WHRN: variants seen among roughly 807,000 people sequenced by gnomAD.
The protein encoded by WHRN is whirlin, also known as CASK-interacting protein CIP98.
In WHRN, 41 loss-of-function variants were observed where a neutral mutation model predicts 68.3. The observed-to-expected ratio is 0.60, with a 90% CI of 0.47 to 0.78. The LOEUF is 0.78. Among genes scored for constraint, WHRN ranks in the 30% least tolerant of loss-of-function variants. The pLI is 0.00. For synonymous variants in WHRN, 560 were observed against 561.3 expected, an observed-to-expected ratio of 1.00 and a Z score of 0.03; for missense variants, 1,243 against 1,244.7, an observed-to-expected ratio of 1.00 and a Z score of 0.02.
rs113705660 is a variant in WHRN at position 114,423,920 on chromosome 9, C to T, written c.1417-397G>A. ...GGATTTCACCACCTCTTCCTTTGTA[C>T]AGTTTCTGGACCTCAAACAGTTTGG... On this transcript the variant is annotated intron_variant, in intron 6 of 11. Coordinates refer to ENST00000362057, the MANE Select transcript of WHRN (RefSeq NM_015404.4). Among the ~76,000 whole-genome samples, 1,509 of 152,300 alleles carry T rather than the reference C, an allele frequency of 9.9e-3. 9 individuals carry two copies. Among genetic ancestry groups the T allele is most frequent in the Non-Finnish European group, 0.017 (1,127 of 68,026 alleles).
intron 6 of WHRN, 148 bp downstream of exon 6, chr9:114,424,186 G>A: frequency 1.1e-6 from 1 of 906,998 alleles, no homozygotes. Context: ...AGCATCCTGG[G>A]GGCAGGAGGC....
chr9:114,449,971 C>T (rs1839177321), intron 3 of WHRN, among the ~76,000 whole-genome samples: 1 of 152,106 alleles, frequency 6.6e-6, no homozygotes, highest in Admixed American at 6.5e-5. Flanking sequence ...CTGGAATCTA[C>T]AGGAGCTTGG....
chr9:114,487,447 C>T (rs923520305), intron 1 of WHRN, among the ~76,000 whole-genome samples: 9 of 152,098 alleles, frequency 5.9e-5, no homozygotes, highest in African/African-American at 2.2e-4. Context: ...TTTTGAAGAT[C>T]TTTTCTTACC....
intron 7 of WHRN, among the ~76,000 whole-genome samples, chr9:114,415,273 TA>T (rs5900085): frequency 9.0e-4 from 131 of 145,232 alleles, no homozygotes; most frequent in Admixed American, 1.6e-3. Context: ...CCCTATCTCT[TA>T]AAAAAAAAAA....
At chr9:114,456,002 A>G (rs1839757253) in intron 3 of WHRN, among the ~76,000 whole-genome samples, 1 of 152,148 alleles carries the variant, frequency 6.6e-6, no homozygotes, top group Non-Finnish European at 1.5e-5. Flanking sequence ...ATTGAATACT[A>G]TATTAAAAGT....
In WHRN at chr9:114,424,494, C is replaced by A. The variant is rs764019960; in HGVS notation, c.1256G>T (p.Gly419Val). 1 of 1,614,022 alleles carries A rather than the reference C, an allele frequency of 6.2e-7. No individual in the cohort carries two copies. Among genetic ancestry groups the A allele is most frequent in the South Asian group, 1.1e-5 (1 of 91,074 alleles). Residue 419 changes from glycine (G) to valine (V), a missense_variant, in exon 6 of 12, where the codon GGG becomes GTG. Coordinates refer to ENST00000362057, the MANE Select transcript of WHRN (RefSeq NM_015404.4). ...AGSQVTLSSL[G>V]NQTRVLLEEQ... ...CTCCAGCAGCACTCGTGTCTGGTTC[C>A]CCAGGCTGCTCAGGGTCACCTGGGA...
intron 7 of WHRN, among the ~76,000 whole-genome samples, chr9:114,413,129 G>T (rs544104411): frequency 5.9e-5 from 9 of 152,242 alleles, no homozygotes; most frequent in South Asian, 2.1e-4. Context: ...AGTCACAAAG[G>T]CCTCTGGATA....
At chr9:114,461,284 C>A (rs745681888) in intron 3 of WHRN, among the ~76,000 whole-genome samples, 1 of 152,150 alleles carries the variant, frequency 6.6e-6, no homozygotes, top group Non-Finnish European at 1.5e-5. Context: ...GAAAATCATC[C>A]CTCATCTTAC....
rs59693553 is a variant in WHRN, at chr9:114,458,555, CG to C, written c.963+7711del. Among the ~76,000 whole-genome samples, 1,514 of 152,274 alleles carry C rather than the reference CG, an allele frequency of 9.9e-3. 22 individuals carry two copies. Among genetic ancestry groups the C allele is most frequent in the African/African-American group, 0.033 (1,375 of 41,542 alleles). ...TTGTGTTTTCATTTTCCTTGAGCAG[CG>C]GGGCTTGGAGAGAGCTGTTTGATGG... On this transcript the variant is annotated intron_variant, in intron 3 of 11. Transcript: ENST00000362057.
At chr9:114,411,394 G>A (rs1403061400) in intron 7 of WHRN, among the ~76,000 whole-genome samples, 1 of 152,194 alleles carries the variant, frequency 6.6e-6, no homozygotes, top group Non-Finnish European at 1.5e-5. Flanking sequence ...CAAAGACAAG[G>A]GGAGCCTCTG....
intron 1 of WHRN, among the ~76,000 whole-genome samples, chr9:114,493,215 G>A (rs979607832): frequency 2.6e-5 from 4 of 151,830 alleles, no homozygotes; most frequent in African/African-American, 9.7e-5. Flanking sequence ...GCCAGGTGTG[G>A]TGGTGCACAC....
At chr9:114,500,518 G>A (rs949930072) in intron 1 of WHRN, among the ~76,000 whole-genome samples, 7 of 152,098 alleles carry the variant, frequency 4.6e-5, no homozygotes, top group Non-Finnish European at 5.9e-5. Flanking sequence ...TGAAATTACC[G>A]GCAACAGTTT....
chr9:114,414,092 T>C (rs534762239), intron 7 of WHRN, among the ~76,000 whole-genome samples: 6 of 152,308 alleles, frequency 3.9e-5, no homozygotes, highest in African/African-American at 1.4e-4. Context: ...TTCATTTCCA[T>C]TAACCTCTAA....
chr9:114,419,399 C>T (rs1205527624), intron 7 of WHRN, among the ~76,000 whole-genome samples: 1 of 152,246 alleles, frequency 6.6e-6, no homozygotes, highest in Non-Finnish European at 1.5e-5. Flanking sequence ...AGGGTCTGTG[C>T]TGAGCACTAG....
At chr9:114,491,401 T>C (rs1159679051) in intron 1 of WHRN, among the ~76,000 whole-genome samples, 2 of 152,198 alleles carry the variant, frequency 1.3e-5, no homozygotes, top group Non-Finnish European at 2.9e-5. Flanking sequence ...ACTCTTGTGA[T>C]AAATGGGCAC....
chr9:114,475,077 G>C (rs1044618880), intron 2 of WHRN, among the ~76,000 whole-genome samples: 2 of 152,284 alleles, frequency 1.3e-5, no homozygotes, highest in South Asian at 2.1e-4. Flanking sequence ...GCAGACACTA[G>C]GGAAAACTGT....
At chr9:114,443,052 A>G (rs10513245) in intron 3 of WHRN, among the ~76,000 whole-genome samples, 14,796 of 152,212 alleles carry the variant, frequency 0.097, 2,021 homozygotes, top group African/African-American at 0.3. Flanking sequence ...CCATAAAGAA[A>G]GAAATTGACC....
intron 11 of WHRN, 41 bp downstream of exon 11, chr9:114,403,176 G>A (rs185300370): frequency 3.7e-6 from 6 of 1,612,960 alleles, no homozygotes; most frequent in Non-Finnish European, 5.1e-6. Context: ...GGGCCTTTCA[G>A]GGGTAGGGAG....
intron 7 of WHRN, among the ~76,000 whole-genome samples, chr9:114,418,123 G>A (rs1474856880): frequency 6.6e-6 from 1 of 152,204 alleles, no homozygotes; most frequent in African/African-American, 2.4e-5. Flanking sequence ...AGCCAACATG[G>A]GTGTGCATGG....
Sources: gnomAD v4.1 joint callset for allele counts (sites outside exome capture counted in the v4.1 genomes callset) on GRCh38, gnomAD v4.1.1 for gene constraint, MANE v1.5 for transcripts, NCBI Gene and HGNC (gene_info 2026-07-23, HGNC 2026-07-21) for gene names.